The following PPM1H variants were observed in gnomAD, a reference collection of about 807,000 sequenced individuals.
The protein encoded by PPM1H is protein phosphatase 1H.
In PPM1H, 27 loss-of-function variants were observed where a neutral mutation model predicts 54.9. The observed-to-expected ratio is 0.49, with a 90% confidence interval of 0.36 to 0.68. PPM1H has a LOEUF of 0.68. Among genes scored for constraint, PPM1H ranks in the 30% least tolerant of loss-of-function variants. The pLI is 0.00. For missense variants in PPM1H, 596 were observed against 667.8 expected, an observed-to-expected ratio of 0.89 and a Z score of 1.19; for synonymous variants, 305 against 270.8, an observed-to-expected ratio of 1.13 and a Z score of -1.24.
rs554457776 is a variant in PPM1H, at chr12:62,934,099, G to A, written c.245+393C>T. 8 of 169,796 alleles carry A rather than the reference G, an allele frequency of 4.7e-5. No individual in the cohort carries two copies. The highest frequency in any genetic ancestry group is 8.8e-5 in the Non-Finnish European group (7 of 79,946). 10.5% of individuals were successfully genotyped at this position (169,796 alleles called of 1,614,324 possible). A position where few individuals can be genotyped will look rare whatever the true frequency, so the allele number is the denominator to read the frequency against. ...CATAAACTCTTCATCACGCGGGGGC[G>A]TCAACTATATTTTGGGAGGGTGGGG... On this transcript the variant is annotated intron_variant, in intron 1 of 9. Transcript: ENST00000228705. The surrounding 1 kb of genome is among the most constrained non-coding windows in gnomAD (Gnocchi z 4.2).
chr12:62,683,500 G>A (rs1193231275), intron 8 of PPM1H, among the ~76,000 whole-genome samples: 1 of 152,104 alleles, frequency 6.6e-6, no homozygotes, highest in South Asian at 2.1e-4. Flanking sequence ...TAAGGTCTTT[G>A]TTCTTTTAAA....
intron 1 of PPM1H, among the ~76,000 whole-genome samples, chr12:62,856,776 T>TA (rs1176110243): frequency 6.6e-6 from 1 of 152,176 alleles, no homozygotes; most frequent in Non-Finnish European, 1.5e-5. Context: ...TCTGACACTG[T>TA]ATCTAGTACT....
Position 62,934,854 on chromosome 12 carries a change from G to A in PPM1H, c.-118C>T, listed in dbSNP as rs1872278473. 9.5e-7 allele frequency: 1 copy of A among 1,048,046 alleles called. No homozygotes were observed. The highest frequency in any genetic ancestry group is 1.2e-6 in the Non-Finnish European group (1 of 822,076). 64.9% of individuals were successfully genotyped at this position (1,048,046 alleles called of 1,614,324 possible). On this transcript the variant is annotated 5_prime_UTR_variant, in exon 1 of 10. Transcript: ENST00000228705. This position sits in a 1 kb window ranked among gnomAD's most constrained non-coding sequence, Gnocchi z 4.2. ...GGGCGCACGGCGAGTCGGGCCACTG[G>A]GACGCGCCGCGCGCGGCTCCCAGAG...
chr12:62,734,345 G>A (rs1018382590), intron 5 of PPM1H, among the ~76,000 whole-genome samples: 1 of 152,122 alleles, frequency 6.6e-6, no homozygotes, highest in African/African-American at 2.4e-5. Flanking sequence ...ATTTGTAGTG[G>A]TAAGACTTTA....
chr12:62,876,719 T>C (rs934422198), intron 1 of PPM1H, among the ~76,000 whole-genome samples: 1 of 152,120 alleles, frequency 6.6e-6, no homozygotes, highest in African/African-American at 2.4e-5. Context: ...TCACCATCAT[T>C]TGAGGCTTCC....
intron 2 of PPM1H, among the ~76,000 whole-genome samples, chr12:62,809,801 G>T (rs1244459767): frequency 6.6e-6 from 1 of 152,118 alleles, no homozygotes; most frequent in African/African-American, 2.4e-5. Flanking sequence ...CACATCTCTT[G>T]CTTCCTTCAG....
intron 1 of PPM1H, among the ~76,000 whole-genome samples, chr12:62,882,320 G>A (rs1057349795): frequency 2.0e-5 from 3 of 152,248 alleles, no homozygotes; most frequent in African/African-American, 4.8e-5. Flanking sequence ...GAGTAGCTAC[G>A]CAAAGTCTAT....
chr12:62,756,998 G>T (rs928971151), intron 4 of PPM1H, among the ~76,000 whole-genome samples: 1 of 152,156 alleles, frequency 6.6e-6, no homozygotes, highest in Non-Finnish European at 1.5e-5. Context: ...GCTATGACTG[G>T]TCCAGCTGGA....
chr12:62,911,293 T>C (rs1871452391), intron 1 of PPM1H, among the ~76,000 whole-genome samples: 1 of 152,172 alleles, frequency 6.6e-6, no homozygotes, highest in Admixed American at 6.5e-5. Flanking sequence ...TATACGAGTT[T>C]GTCAAATTTT....
chr12:62,731,184 C>T (rs538412048), intron 5 of PPM1H, among the ~76,000 whole-genome samples: 3 of 152,232 alleles, frequency 2.0e-5, no homozygotes, highest in East Asian at 3.9e-4. Context: ...TTCTAGTCTG[C>T]CATTTTATAA....
chr12:62,875,972 A>C (rs926526224), intron 1 of PPM1H, among the ~76,000 whole-genome samples: 1 of 152,194 alleles, frequency 6.6e-6, no homozygotes, highest in Non-Finnish European at 1.5e-5. Flanking sequence ...ATGCTAATGA[A>C]GATGGGGGCT....
intron 8 of PPM1H, among the ~76,000 whole-genome samples, chr12:62,688,064 A>G (rs1254963971): frequency 1.3e-5 from 2 of 151,882 alleles, no homozygotes; most frequent in African/African-American, 4.8e-5. Context: ...AGTAAATGCT[A>G]TTGGTTCCTG....
chr12:62,874,914 C>A (rs1457170308), intron 1 of PPM1H, among the ~76,000 whole-genome samples: 1 of 152,198 alleles, frequency 6.6e-6, no homozygotes, highest in African/African-American at 2.4e-5. Context: ...GTTTCTATAA[C>A]ATGAGAACCA....
intron 1 of PPM1H, among the ~76,000 whole-genome samples, chr12:62,862,005 A>G (rs1869619475): frequency 6.6e-6 from 1 of 152,250 alleles, no homozygotes; most frequent in Admixed American, 6.5e-5. Context: ...TTATGTGCAA[A>G]TAATGCTTAT....
chr12:62,807,745 C>T (rs560489698), intron 2 of PPM1H, among the ~76,000 whole-genome samples: 1 of 152,328 alleles, frequency 6.6e-6, no homozygotes, highest in East Asian at 1.9e-4. Context: ...ACATTGTGGG[C>T]TCTGCTATGT....
chr12:62,764,848 GAGA>G (rs1249468833), intron 4 of PPM1H, among the ~76,000 whole-genome samples: 1 of 152,238 alleles, frequency 6.6e-6, no homozygotes, highest in Non-Finnish European at 1.5e-5. Flanking sequence ...GATGGAGGGA[GAGA>G]AGTTCAGGTA....
chr12:62,658,219 AAAAG>A (rs2075858578), intron 9 of PPM1H, among the ~76,000 whole-genome samples: 2 of 127,756 alleles, frequency 1.6e-5, no homozygotes, highest in African/African-American at 6.6e-5. Flanking sequence ...TTTTAAGTAA[AAAAG>A]AAGTTTCCAC....
chr12:62,831,735 G>A (rs1449119600), intron 2 of PPM1H, among the ~76,000 whole-genome samples: 1 of 150,796 alleles, frequency 6.6e-6, no homozygotes, highest in Non-Finnish European at 1.5e-5. Flanking sequence ...GTGTGAGTGT[G>A]TGTGTATACG....
rs147437791 is a variant in PPM1H at position 62,819,255 on chromosome 12, G to A, written c.411+12859C>T. ...AGTGATTCTCCTGCCTCAGCCTCCC[G>A]AGTAACTGGCATTACAGGCGCCTGC... On this transcript the variant is annotated intron_variant, in intron 2 of 9. Transcript: ENST00000228705. 4.3e-3 allele frequency among the ~76,000 whole-genome samples: 637 copies of A among 148,780 alleles called. 5 individuals carry two copies. The highest frequency in any genetic ancestry group is 0.015 in the African/African-American group (591 of 40,220).
Sources: gnomAD v4.1 joint callset for allele counts (sites outside exome capture counted in the v4.1 genomes callset) on GRCh38, gnomAD v4.1.1 for gene constraint, Gnocchi (gnomAD v3.1) non-coding constraint, MANE v1.5 for transcripts, NCBI Gene and HGNC (gene_info 2026-07-23, HGNC 2026-07-21) for gene names.